The following MSRA variants were observed in gnomAD, a reference collection of about 807,000 sequenced individuals.
The protein encoded by MSRA is mitochondrial peptide methionine sulfoxide reductase.
Under a neutral mutation model 31.3 loss-of-function variants are expected in MSRA, and 54 were observed. The ratio of observed to expected loss-of-function variants is 1.73; its 90% CI spans 1.39 to 2.17. The LOEUF (loss-of-function observed/expected upper bound fraction) is 2.17. MSRA is among the 30% of genes most tolerant of loss of function. The probability of loss-of-function intolerance (pLI) is 0.00; values close to 1 mark genes in which losing one functional copy is unlikely to be tolerated. For missense variants in MSRA, 507 were observed against 300.9 expected (o/e 1.69, Z -5.07); for synonymous variants, 169 against 116.5 (o/e 1.45, Z -2.90).
At chr8:10,261,434 G>A (rs1798478052) in intron 3 of MSRA, among the ~76,000 whole-genome samples, 3 of 151,228 alleles carry the variant, frequency 2.0e-5, no homozygotes, top group Admixed American at 2.0e-4. Context: ...GGTGGCTCAT[G>A]TCTGTGATCC....
At chr8:10,275,015 T>C (rs1323381295) in intron 3 of MSRA, among the ~76,000 whole-genome samples, 1 of 152,030 alleles carries the variant, frequency 6.6e-6, no homozygotes, top group Non-Finnish European at 1.5e-5. Context: ...GGACTATATA[T>C]GATATTAATA....
chr8:10,120,933 A>T (rs1281044996), intron 1 of MSRA, among the ~76,000 whole-genome samples: 1 of 152,266 alleles, frequency 6.6e-6, no homozygotes, highest in African/African-American at 2.4e-5. Context: ...GTCAGTTGTT[A>T]GTAATTAAAT....
At chr8:10,195,964 G>C (rs1311682478) in intron 1 of MSRA, among the ~76,000 whole-genome samples, 3 of 152,190 alleles carry the variant, frequency 2.0e-5, no homozygotes, top group Non-Finnish European at 4.4e-5. Context: ...GGTTGGTGTT[G>C]GTCTGGAACA....
chr8:10,069,320 C>A (rs1240332697), intron 1 of MSRA, among the ~76,000 whole-genome samples: 1 of 152,182 alleles, frequency 6.6e-6, no homozygotes, highest in East Asian at 1.9e-4. Context: ...TAATAGTGGA[C>A]ATCTTTGCAT....
At chr8:10,087,471 T>C (rs1242431788) in intron 1 of MSRA, among the ~76,000 whole-genome samples, 2 of 152,228 alleles carry the variant, frequency 1.3e-5, no homozygotes, top group Non-Finnish European at 2.9e-5. Context: ...TGAATGGATG[T>C]GTCTAACACT....
intron 1 of MSRA, among the ~76,000 whole-genome samples, chr8:10,079,464 C>A (rs1798171810): frequency 6.6e-6 from 1 of 152,102 alleles, no homozygotes; most frequent in Non-Finnish European, 1.5e-5. Flanking sequence ...CATGTTTGTT[C>A]TAGAAAAATA....
At chr8:10,305,246 C>G (rs1801063814) in intron 4 of MSRA, among the ~76,000 whole-genome samples, 1 of 152,068 alleles carries the variant, frequency 6.6e-6, no homozygotes, top group Non-Finnish European at 1.5e-5. Context: ...GTAGAAACAG[C>G]AAGAATGTAA....
At chr8:10,360,354 G>GT (rs1379320250) in intron 5 of MSRA, among the ~76,000 whole-genome samples, 1 of 152,230 alleles carries the variant, frequency 6.6e-6, no homozygotes, top group Non-Finnish European at 1.5e-5. Context: ...ATGCCTTGTG[G>GT]TTGTTGGTGG....
At chr8:10,348,316 G>A (rs1554535185) in intron 5 of MSRA, among the ~76,000 whole-genome samples, 1 of 149,136 alleles carries the variant, frequency 6.7e-6, no homozygotes, top group Non-Finnish European at 1.5e-5. Flanking sequence ...CAGCAGCATG[G>A]CCAAATGCCT....
intron 1 of MSRA, among the ~76,000 whole-genome samples, chr8:10,055,157 C>G (rs968746177): frequency 2.8e-5 from 1 of 36,332 alleles, no homozygotes; most frequent in South Asian, 1.6e-3. Flanking sequence ...GCGTCTCAGG[C>G]CAGTGTTCTG....
chr8:10,179,913 A>G (rs1806387886), intron 1 of MSRA, among the ~76,000 whole-genome samples: 1 of 152,198 alleles, frequency 6.6e-6, no homozygotes, highest in Admixed American at 6.5e-5. Context: ...TAAGTGGGAA[A>G]ACTGTTTCCT....
chr8:10,418,902 G>C (rs2129193736), intron 5 of MSRA, among the ~76,000 whole-genome samples: 1 of 145,346 alleles, frequency 6.9e-6, no homozygotes, highest in East Asian at 2.1e-4. Context: ...AAGTTGCAGT[G>C]AGCCATGATC....
At chr8:10,120,258 A>G (rs2129017516) in intron 1 of MSRA, among the ~76,000 whole-genome samples, 1 of 152,328 alleles carries the variant, frequency 6.6e-6, no homozygotes, top group South Asian at 2.1e-4. Flanking sequence ...AGCCATGTTG[A>G]GAGCCCTGCT....
At chr8:10,181,349 T>G (rs1294385331) in intron 1 of MSRA, among the ~76,000 whole-genome samples, 1 of 151,700 alleles carries the variant, frequency 6.6e-6, no homozygotes, top group African/African-American at 2.4e-5. Flanking sequence ...GCAAACACCC[T>G]GTGGGGGTAA....
intron 4 of MSRA, among the ~76,000 whole-genome samples, chr8:10,310,701 A>G (rs895338260): frequency 1.3e-5 from 2 of 152,220 alleles, no homozygotes; most frequent in Admixed American, 6.5e-5. Context: ...ATTTGGCACA[A>G]GCCACTTACT....
At chr8:10,058,490 A>G (rs899505348) in intron 1 of MSRA, among the ~76,000 whole-genome samples, 5 of 152,356 alleles carry the variant, frequency 3.3e-5, no homozygotes, top group African/African-American at 1.2e-4. Context: ...TAGAAAATTT[A>G]AGCAGGTTGA....
intron 3 of MSRA, among the ~76,000 whole-genome samples, chr8:10,283,832 TATATACACAC>T (rs1408614080): frequency 2.8e-4 from 18 of 65,324 alleles, no homozygotes; most frequent in East Asian, 1.4e-3. Flanking sequence ...TATATATATA[TATATACACAC>T]ACACACACAC....
chr8:10,300,239 T>G (rs966383505), intron 3 of MSRA, among the ~76,000 whole-genome samples: 2 of 151,804 alleles, frequency 1.3e-5, no homozygotes, highest in African/African-American at 2.4e-5. Flanking sequence ...TATAGGTGAT[T>G]TGTATTTTCT....
intron 5 of MSRA, among the ~76,000 whole-genome samples, chr8:10,427,047 G>T (rs564386349): frequency 6.6e-6 from 1 of 152,016 alleles, no homozygotes; most frequent in Admixed American, 6.6e-5. Context: ...AAAACCTGAC[G>T]CAGTGAATCA....
Sources: gnomAD v4.1 joint callset for allele counts (sites outside exome capture counted in the v4.1 genomes callset) on GRCh38, gnomAD v4.1.1 for gene constraint, MANE v1.5 for transcripts, NCBI Gene and HGNC (gene_info 2026-07-23, HGNC 2026-07-21) for gene names.